The following ADAMTS3 variants were observed in gnomAD, a reference collection of about 807,000 sequenced individuals.
ADAMTS3 encodes the protein A disintegrin and metalloproteinase with thrombospondin motifs 3.
A neutral mutation model predicts 129.0 loss-of-function variants in ADAMTS3; 73 were observed. That is an observed-to-expected ratio of 0.57 (90% CI 0.47 to 0.69). ADAMTS3 has a LOEUF of 0.69. Ranked by LOEUF, ADAMTS3 falls within the 30% of genes least tolerant of loss-of-function variation. The probability of loss-of-function intolerance (pLI) is 0.00; values close to 1 mark genes in which losing one functional copy is unlikely to be tolerated. For synonymous variants in ADAMTS3, 477 were observed against 510.8 expected, an observed-to-expected ratio of 0.93 and a Z score of 0.89; for missense variants, 1,457 against 1,514.5, an observed-to-expected ratio of 0.96 and a Z score of 0.63.
intron 3 of ADAMTS3, among the ~76,000 whole-genome samples, chr4:72,480,563 G>A (rs1013935236): frequency 1.3e-5 from 2 of 151,762 alleles, no homozygotes; most frequent in Non-Finnish European, 1.5e-5. Flanking sequence ...GGGGACGGGG[G>A]AGGGATAGCA....
At chr4:72,510,105 T>C (rs1235460579) in intron 3 of ADAMTS3, among the ~76,000 whole-genome samples, 2 of 148,008 alleles carry the variant, frequency 1.4e-5, no homozygotes, top group Non-Finnish European at 3.0e-5. Flanking sequence ...AAAGATCAGG[T>C]AAAGAAGGAA....
intron 2 of ADAMTS3, among the ~76,000 whole-genome samples, chr4:72,557,795 C>A (rs550058075): frequency 6.6e-6 from 1 of 151,720 alleles, no homozygotes; most frequent in East Asian, 1.9e-4. Flanking sequence ...GAAAAATATC[C>A]AAGCATTTTA....
chr4:72,544,353 C>T (rs1252027050), intron 3 of ADAMTS3, among the ~76,000 whole-genome samples: 2 of 152,048 alleles, frequency 1.3e-5, no homozygotes, highest in Non-Finnish European at 2.9e-5. Context: ...TGACCAATCT[C>T]TCTATATTTC....
At chr4:72,567,631 C>G (rs1409238901) in intron 1 of ADAMTS3, among the ~76,000 whole-genome samples, 1 of 152,170 alleles carries the variant, frequency 6.6e-6, no homozygotes, top group Non-Finnish European at 1.5e-5. Context: ...TAATTTAACA[C>G]TTATGAAGCC....
At chr4:72,529,865 T>A (rs1460622455) in intron 3 of ADAMTS3, among the ~76,000 whole-genome samples, 4 of 78,272 alleles carry the variant, frequency 5.1e-5, no homozygotes, top group Non-Finnish European at 8.9e-5. Flanking sequence ...ATATAATATA[T>A]AATATAAATT....
intron 3 of ADAMTS3, among the ~76,000 whole-genome samples, chr4:72,521,338 A>G (rs989043639): frequency 6.6e-6 from 1 of 152,154 alleles, no homozygotes; most frequent in African/African-American, 2.4e-5. Flanking sequence ...AGGCCTTAGC[A>G]TTTTAAGACC....
At chr4:72,372,132 G>T (rs574484714) in intron 4 of ADAMTS3, among the ~76,000 whole-genome samples, 1 of 152,192 alleles carries the variant, frequency 6.6e-6, no homozygotes, top group Admixed American at 6.5e-5. Context: ...AAAAGGTATA[G>T]CCTCTAATGC....
intron 3 of ADAMTS3, among the ~76,000 whole-genome samples, chr4:72,455,836 GTATATACTATATATTTTATATATAGTA>G (rs1718541269): frequency 8.8e-6 from 1 of 113,720 alleles, no homozygotes; most frequent in African/African-American, 3.5e-5. Context: ...TATATACAGT[GTATATACTATATATTTTATATATAGTA>G]TATACACTGT....
rs575609698 is a variant in ADAMTS3 at position 72,453,160 on chromosome 4, A to G, written c.505-38189T>C. 1.1e-3 allele frequency among the ~76,000 whole-genome samples: 174 copies of G among 151,910 alleles called. 2 individuals are homozygous for G. Among genetic ancestry groups the G allele is most frequent in the Middle Eastern group, 3.4e-3 (1 of 294 alleles). On this transcript the variant is annotated intron_variant, in intron 3 of 21. Transcript: ENST00000286657. ...TTATATATTTTTTCCATTTATTAAC[A>G]TTCTAAAAAACATAGAGAAATTCTG...
intron 21 of ADAMTS3, among the ~76,000 whole-genome samples, chr4:72,285,101 C>A (rs537469315): frequency 6.6e-6 from 1 of 152,268 alleles, no homozygotes; most frequent in East Asian, 1.9e-4. Context: ...CTACATAACT[C>A]CCCAAAAATT....
At chr4:72,367,988 C>T (rs953540957) in intron 4 of ADAMTS3, among the ~76,000 whole-genome samples, 1 of 151,880 alleles carries the variant, frequency 6.6e-6, no homozygotes, top group Non-Finnish European at 1.5e-5. Context: ...AATAATTATA[C>T]GCACTGTGAC....
chr4:72,326,707 A>G (rs1371139934), intron 5 of ADAMTS3, among the ~76,000 whole-genome samples: 2 of 152,138 alleles, frequency 1.3e-5, no homozygotes, highest in Non-Finnish European at 2.9e-5. Context: ...TAAAAAAAAA[A>G]TTGTGAGTGT....
chr4:72,463,702 A>C (rs1578703553), intron 3 of ADAMTS3, among the ~76,000 whole-genome samples: 1 of 140,190 alleles, frequency 7.1e-6, no homozygotes, highest in African/African-American at 2.7e-5. Flanking sequence ...AACAGGCAAA[A>C]AAAAAAAAAA....
In ADAMTS3 at chr4:72,552,094, T is replaced by C. The variant is rs1470006052; in HGVS notation, c.98-3210A>G. On this transcript the variant is annotated intron_variant, in intron 2 of 21. Transcript: ENST00000286657. ...ATCACAGAAGTAAAACCAAATTATA[T>C]CCAACGTTAATTTACTGCATTCATA... Among the ~76,000 whole-genome samples, 3 of 152,130 alleles carry C rather than the reference T, an allele frequency of 2.0e-5. 1 individual carries two copies. The highest frequency in any genetic ancestry group is 4.1e-4 in the South Asian group (2 of 4,828).
intron 3 of ADAMTS3, among the ~76,000 whole-genome samples, chr4:72,508,033 G>A (rs1271214511): frequency 6.6e-6 from 1 of 152,030 alleles, no homozygotes; most frequent in Non-Finnish European, 1.5e-5. Context: ...CATGGACTGT[G>A]CAAAATTATC....
At chr4:72,374,983 C>T (rs1241211950) in intron 4 of ADAMTS3, among the ~76,000 whole-genome samples, 1 of 152,192 alleles carries the variant, frequency 6.6e-6, no homozygotes, top group East Asian at 1.9e-4. Flanking sequence ...GAAATGCCTT[C>T]CTATCTCACA....
intron 4 of ADAMTS3, among the ~76,000 whole-genome samples, chr4:72,408,368 CACACACACACAT>C (rs1560504731): frequency 6.6e-6 from 1 of 151,402 alleles, no homozygotes; most frequent in Non-Finnish European, 1.5e-5. Flanking sequence ...ATAGGAGGTG[CACACACACACAT>C]ACACACACTC....
At chr4:72,311,303 T>C (rs1719228694) in intron 13 of ADAMTS3, 122 bp from the exon 14 acceptor site, 4 of 879,208 alleles carry the variant, frequency 4.5e-6, no homozygotes, top group African/African-American at 3.4e-5. Flanking sequence ...AGGAATACCG[T>C]ATAAACAAAT....
In ADAMTS3 at chr4:72,465,651, G is replaced by A. The variant is rs1002208596; in HGVS notation, c.505-50680C>T. On this transcript the variant is annotated intron_variant, in intron 3 of 21. Coordinates refer to ENST00000286657, the MANE Select transcript of ADAMTS3 (RefSeq NM_014243.3). ...TCATGAAGTTTGGGTGCAGGACAGGGGTTTTAGGGGCAATAAATACAAAGC... is the reference window on the plus strand; with the variant it reads ...TCATGAAGTTTGGGTGCAGGACAGGAGTTTTAGGGGCAATAAATACAAAGC... Among the ~76,000 whole-genome samples, 6 of 152,076 alleles carry A rather than the reference G, an allele frequency of 3.9e-5. No individual in the cohort carries two copies. In the East Asian group the frequency reaches 1.2e-3, roughly 30 times the overall value.
Sources: gnomAD v4.1 joint callset for allele counts (sites outside exome capture counted in the v4.1 genomes callset) on GRCh38, gnomAD v4.1.1 for gene constraint, MANE v1.5 for transcripts, NCBI Gene and HGNC (gene_info 2026-07-23, HGNC 2026-07-21) for gene names.